Variants in GALNT13 observed in about 807,000 individuals in gnomAD.
The protein encoded by GALNT13 is polypeptide N-acetylgalactosaminyltransferase 13.
In GALNT13, 28 loss-of-function variants were observed where a neutral mutation model predicts 64.2. The ratio of observed to expected loss-of-function variants is 0.44; its 90% CI spans 0.32 to 0.60. The LOEUF is 0.60. Ranked by LOEUF, GALNT13 falls within the 20% of genes least tolerant of loss-of-function variation. The pLI is 0.05. For missense variants in GALNT13, 577 were observed against 669.8 expected (o/e 0.86, Z 1.53); for synonymous variants, 214 against 224.6 (o/e 0.95, Z 0.42).
the GALNT13 span, among the ~76,000 whole-genome samples, chr2:153,675,047 C>T: frequency 6.6e-6 from 1 of 152,172 alleles, no homozygotes; most frequent in African/African-American, 2.4e-5. Context: ...CAGGAAACAA[C>T]AGATGCTGGA....
At chr2:153,827,625 CAAA>C in the GALNT13 span, among the ~76,000 whole-genome samples, 5 of 90,476 alleles carry the variant, frequency 5.5e-5, no homozygotes, top group Admixed American at 2.2e-4. Context: ...GACTCCGTCC[CAAA>C]AAAAAAAAAA....
At chr2:154,325,377 G>A (rs1215558305) in intron 9 of GALNT13, among the ~76,000 whole-genome samples, 1 of 152,052 alleles carries the variant, frequency 6.6e-6, no homozygotes, top group African/African-American at 2.4e-5. Context: ...CCACATTAAA[G>A]GAACTAGATC....
chr2:153,975,529 C>T (rs1181752763), intron 3 of GALNT13, among the ~76,000 whole-genome samples: 2 of 152,082 alleles, frequency 1.3e-5, no homozygotes, highest in African/African-American at 2.4e-5. Context: ...CTACTCTTAA[C>T]TACTCAAAAT....
the GALNT13 span, among the ~76,000 whole-genome samples, chr2:153,126,940 C>A: frequency 6.8e-6 from 1 of 147,920 alleles, no homozygotes; most frequent in African/African-American, 2.5e-5. Context: ...TTTTCGTTGG[C>A]TGGCTGGCTG....
intron 3 of GALNT13, among the ~76,000 whole-genome samples, chr2:153,959,692 G>A (rs1308240302): frequency 1.3e-5 from 2 of 152,210 alleles, no homozygotes; most frequent in Admixed American, 1.3e-4. Context: ...ACCTGGTGAA[G>A]ATCTCTCCAG....
At chr2:153,086,864 A>C in the GALNT13 span, among the ~76,000 whole-genome samples, 3 of 152,052 alleles carry the variant, frequency 2.0e-5, no homozygotes, top group Non-Finnish European at 4.4e-5. Context: ...TTAATTCATC[A>C]GATTTAGGAG....
chr2:153,918,836 T>C (rs1408650938), intron 2 of GALNT13, among the ~76,000 whole-genome samples: 1 of 152,116 alleles, frequency 6.6e-6, no homozygotes, highest in Non-Finnish European at 1.5e-5. Flanking sequence ...TCAAGTCCAT[T>C]ATTAGCTACA....
chr2:153,985,023 C>A (rs1445941867), intron 3 of GALNT13, among the ~76,000 whole-genome samples: 2 of 151,896 alleles, frequency 1.3e-5, no homozygotes, highest in Admixed American at 1.3e-4. Context: ...TTATTCAGTG[C>A]CTTGCAATCT....
At chr2:154,205,653 G>A (rs1297363459) in intron 4 of GALNT13, among the ~76,000 whole-genome samples, 1 of 152,114 alleles carries the variant, frequency 6.6e-6, no homozygotes, top group Non-Finnish European at 1.5e-5. Flanking sequence ...ATGGAGGAAG[G>A]CAAGGAGGAG....
the GALNT13 span, among the ~76,000 whole-genome samples, chr2:153,274,988 T>G: frequency 2.6e-5 from 4 of 152,236 alleles, no homozygotes; most frequent in Non-Finnish European, 5.9e-5. Context: ...TTGATAAATT[T>G]TAATTTTTCA....
the GALNT13 span, among the ~76,000 whole-genome samples, chr2:153,698,462 A>T: frequency 1.3e-5 from 2 of 152,216 alleles, no homozygotes; most frequent in African/African-American, 4.8e-5. Flanking sequence ...GACAAAACAG[A>T]CTTTAAACTA....
chr2:154,157,154 C>A (rs1684470056), intron 4 of GALNT13, among the ~76,000 whole-genome samples: 2 of 152,090 alleles, frequency 1.3e-5, no homozygotes, highest in Non-Finnish European at 2.9e-5. Flanking sequence ...CATTATCTTA[C>A]CTTCTGTTTC....
At chr2:153,268,809 G>T in the GALNT13 span, among the ~76,000 whole-genome samples, 2 of 152,206 alleles carry the variant, frequency 1.3e-5, no homozygotes, top group Non-Finnish European at 2.9e-5. Context: ...AGCCACCAAG[G>T]CTTGGGGCTT....
At chr2:153,214,711 A>G in the GALNT13 span, among the ~76,000 whole-genome samples, 1 of 152,172 alleles carries the variant, frequency 6.6e-6, no homozygotes, top group Admixed American at 6.5e-5. Context: ...TAATACTTAG[A>G]CTAACACAGT....
chr2:154,245,728 C>T (rs1224798333), intron 6 of GALNT13, 84 bp from the exon 7 acceptor site: 5 of 835,414 alleles, frequency 6.0e-6, no homozygotes, highest in Non-Finnish European at 9.3e-6. Context: ...TAAATTTCCT[C>T]ATATCAGCTA....
the GALNT13 span, among the ~76,000 whole-genome samples, chr2:153,818,443 G>C: frequency 1.3e-5 from 2 of 152,280 alleles, no homozygotes; most frequent in Admixed American, 1.3e-4. Context: ...ACCTCTGTCT[G>C]AACACCGGGG....
At chr2:154,117,235 C>T (rs572170794) in intron 3 of GALNT13, among the ~76,000 whole-genome samples, 1 of 152,266 alleles carries the variant, frequency 6.6e-6, no homozygotes, top group South Asian at 2.1e-4. Flanking sequence ...CACAGACACA[C>T]TCAGCATCAA....
the GALNT13 span, among the ~76,000 whole-genome samples, chr2:153,828,707 T>C: frequency 1.3e-5 from 2 of 152,194 alleles, no homozygotes; most frequent in African/African-American, 4.8e-5. Context: ...GACGTTGGGC[T>C]CCTCGTTACT....
chr2:154,133,532 T>TTTTA (rs1682749722), intron 3 of GALNT13, among the ~76,000 whole-genome samples: 1 of 103,908 alleles, frequency 9.6e-6, no homozygotes, highest in African/African-American at 3.6e-5. Flanking sequence ...TAACAGACCA[T>TTTTA]TTTATATATA....
Sources: allele counts gnomAD v4.1 joint callset (sites outside exome capture counted in the v4.1 genomes callset), GRCh38; gene constraint gnomAD v4.1.1; transcripts MANE v1.5; gene names NCBI Gene and HGNC (gene_info 2026-07-23, HGNC 2026-07-21).